The following CTNND2 variants were observed in gnomAD, a reference collection of about 807,000 sequenced individuals.
CTNND2 encodes catenin delta 2, also known as catenin delta-2.
A neutral mutation model predicts 144.4 loss-of-function variants in CTNND2; 22 were observed. The ratio of observed to expected loss-of-function variants is 0.15; its 90% CI spans 0.11 to 0.22. The LOEUF is 0.22. Ranked by LOEUF, CTNND2 falls within the 10% of genes least tolerant of loss-of-function variation. The probability of loss-of-function intolerance (pLI) is 1.00; values close to 1 mark genes in which losing one functional copy is unlikely to be tolerated. For synonymous variants in CTNND2, 751 were observed against 695.6 expected (o/e 1.08, Z -1.25); for missense variants, 1,353 against 1,618.8 (o/e 0.84, Z 2.82).
At chr5:11,000,384 C>T (rs951477429) in intron 18 of CTNND2, among the ~76,000 whole-genome samples, 1 of 152,060 alleles carries the variant, frequency 6.6e-6, no homozygotes, top group African/African-American at 2.4e-5. Flanking sequence ...AGCTGGGCGT[C>T]GTGGTGGGTG....
chr5:11,522,959 T>C (rs1772880527), intron 3 of CTNND2, among the ~76,000 whole-genome samples: 1 of 152,244 alleles, frequency 6.6e-6, no homozygotes, highest in Non-Finnish European at 1.5e-5. Context: ...ACTGGGACAC[T>C]TTCAGCATAT....
chr5:11,832,620 A>G (rs1793967146), intron 1 of CTNND2, among the ~76,000 whole-genome samples: 1 of 152,142 alleles, frequency 6.6e-6, no homozygotes, highest in Non-Finnish European at 1.5e-5. Context: ...AAATGCTACT[A>G]CCCACCTACT....
At chr5:11,774,770 A>G (rs1790158684) in intron 1 of CTNND2, among the ~76,000 whole-genome samples, 1 of 152,070 alleles carries the variant, frequency 6.6e-6, no homozygotes, top group Non-Finnish European at 1.5e-5. Context: ...TTCTTCAAGG[A>G]CTCAAAAATA....
chr5:11,816,633 AG>A, intron 1 of CTNND2, among the ~76,000 whole-genome samples: 1 of 53,738 alleles, frequency 1.9e-5, no homozygotes, highest in Admixed American at 2.4e-4. Flanking sequence ...GAAGAGGGAG[AG>A]GGGGGGAAGA....
chr5:11,731,070 C>A (rs1266968432), intron 2 of CTNND2, among the ~76,000 whole-genome samples: 1 of 152,188 alleles, frequency 6.6e-6, no homozygotes, highest in East Asian at 1.9e-4. Context: ...TAAAGCTCAA[C>A]CCAATTTCCT....
chr5:11,903,457 A>G lies in CTNND2; in HGVS notation c.37+360T>C. ...CCCACCCCGTCTCCTCCCGTATATT[A>G]GGGACGTCATGAATGCACCGAGTAT... is the stretch of plus-strand genomic sequence containing the variant. On this transcript the variant is annotated intron_variant, in intron 1 of 21. Transcript: ENST00000304623. This position sits in a 1 kb window ranked among gnomAD's most constrained non-coding sequence, Gnocchi z 5.4. 1.2e-6 allele frequency: 1 copy of G among 828,914 alleles called. No homozygotes were observed. Among genetic ancestry groups the G allele is most frequent in the Non-Finnish European group, 1.5e-6 (1 of 667,372 alleles). 51.3% of individuals were successfully genotyped at this position (828,914 alleles called of 1,614,324 possible).
intron 18 of CTNND2, among the ~76,000 whole-genome samples, chr5:10,997,564 C>T (rs962008779): frequency 4.6e-5 from 7 of 150,752 alleles, no homozygotes; most frequent in African/African-American, 1.7e-4. Flanking sequence ...TGCACTCCAG[C>T]CTGGCAACAG....
intron 9 of CTNND2, among the ~76,000 whole-genome samples, chr5:11,333,719 G>A (rs1211132717): frequency 6.6e-6 from 1 of 152,194 alleles, no homozygotes; most frequent in Non-Finnish European, 1.5e-5. Context: ...TGACCTGGAA[G>A]ATCCAAAGGC....
chr5:11,468,580 A>T (rs1766882067), intron 3 of CTNND2, among the ~76,000 whole-genome samples: 2 of 152,132 alleles, frequency 1.3e-5, no homozygotes, highest in African/African-American at 4.8e-5. Context: ...GAAACGTCCA[A>T]AGGGTGCTCG....
chr5:11,892,500 T>C (rs1225875904), intron 1 of CTNND2, among the ~76,000 whole-genome samples: 1 of 152,168 alleles, frequency 6.6e-6, no homozygotes, highest in Non-Finnish European at 1.5e-5. Context: ...GGTACACATA[T>C]TGAAAATTAA....
chr5:11,469,811 T>A (rs1766998781), intron 3 of CTNND2, among the ~76,000 whole-genome samples: 3 of 152,190 alleles, frequency 2.0e-5, no homozygotes, highest in Admixed American at 2.0e-4. Flanking sequence ...GATTTTTCCC[T>A]CCTCTCACCA....
chr5:11,478,330 T>C (rs1161161629), intron 3 of CTNND2, among the ~76,000 whole-genome samples: 1 of 152,220 alleles, frequency 6.6e-6, no homozygotes, highest in Non-Finnish European at 1.5e-5. Context: ...GTAATACAGC[T>C]GATTGAATGT....
chr5:11,819,306 A>G (rs112016611), intron 1 of CTNND2, among the ~76,000 whole-genome samples: 1,687 of 151,984 alleles, frequency 0.011, 18 homozygotes, highest in Admixed American at 0.023. Context: ...TGGTGGCGGG[A>G]GCCTGTAATC....
At chr5:11,131,828 C>A (rs1580376409) in intron 12 of CTNND2, among the ~76,000 whole-genome samples, 2 of 151,930 alleles carry the variant, frequency 1.3e-5, no homozygotes, top group African/African-American at 4.8e-5. Flanking sequence ...CATTTCAATT[C>A]ATCCCCTAAT....
At chr5:11,659,482 CTT>C (rs1482159102) in intron 2 of CTNND2, among the ~76,000 whole-genome samples, 1 of 152,118 alleles carries the variant, frequency 6.6e-6, no homozygotes, top group Non-Finnish European at 1.5e-5. Flanking sequence ...GCATCATTCT[CTT>C]GTCTGGTGCA....
At chr5:11,266,164 C>T (rs910570762) in intron 9 of CTNND2, among the ~76,000 whole-genome samples, 17 of 152,094 alleles carry the variant, frequency 1.1e-4, no homozygotes, top group African/African-American at 4.1e-4. Context: ...GATGTTGATG[C>T]CTCTCAGATC....
intron 9 of CTNND2, among the ~76,000 whole-genome samples, chr5:11,251,971 GA>G (rs1289736961): frequency 1.3e-5 from 2 of 152,218 alleles, no homozygotes; most frequent in East Asian, 3.9e-4. Context: ...AAATTTTGGG[GA>G]AAACATCAGC....
At chr5:11,222,687 T>A (rs2149869067) in intron 10 of CTNND2, among the ~76,000 whole-genome samples, 1 of 152,230 alleles carries the variant, frequency 6.6e-6, no homozygotes, top group African/African-American at 2.4e-5. Flanking sequence ...TTGTCTGTAG[T>A]CCCAGCTCCT....
intron 21 of CTNND2, among the ~76,000 whole-genome samples, chr5:10,977,294 A>G (rs1736617137): frequency 6.6e-6 from 1 of 152,172 alleles, no homozygotes; most frequent in Non-Finnish European, 1.5e-5. Context: ...GTTATCATTT[A>G]AATATTGGTC....
Sources: allele counts gnomAD v4.1 joint callset (sites outside exome capture counted in the v4.1 genomes callset), GRCh38; gene constraint gnomAD v4.1.1; non-coding constraint Gnocchi (gnomAD v3.1); transcripts MANE v1.5; gene names NCBI Gene and HGNC (gene_info 2026-07-23, HGNC 2026-07-21).